PTMA: variants seen among roughly 807,000 people sequenced by gnomAD.
PTMA encodes prothymosin alpha.
Under a neutral mutation model 16.9 loss-of-function variants are expected in PTMA, and 4 were observed. That is an observed-to-expected ratio of 0.24 (90% CI 0.12 to 0.54). PTMA has a LOEUF of 0.54. Ranked by LOEUF, PTMA falls within the 20% of genes least tolerant of loss-of-function variation. The probability of loss-of-function intolerance (pLI) is 0.95; values close to 1 mark genes in which losing one functional copy is unlikely to be tolerated. For missense variants in PTMA, 120 were observed against 137.7 expected, an observed-to-expected ratio of 0.87 and a Z score of 0.64; for synonymous variants, 58 against 47.9, an observed-to-expected ratio of 1.21 and a Z score of -0.87.
rs1559290995 is a variant in PTMA at position 231,712,945 on chromosome 2, T to A, written c.*94T>A. On this transcript the variant is annotated 3_prime_UTR_variant, in exon 5 of 5. Transcript: ENST00000409115. ...GTCTCAGAATCTAAACGTGGTCACCTTCGAGTAGAGAGGCCCGCCCGCCCA... is the reference window on the plus strand; with the variant it reads ...GTCTCAGAATCTAAACGTGGTCACCATCGAGTAGAGAGGCCCGCCCGCCCA... The A allele has an allele frequency of 7.2e-7, 1 of 1,389,590 alleles. No homozygotes were observed. Among genetic ancestry groups the A allele is most frequent in the Non-Finnish European group, 9.8e-7 (1 of 1,022,650 alleles). The allele number at this position is 1,389,590 out of a possible 1,614,324, so 86.1% of individuals were successfully genotyped here.
chr2:231,709,090 C>A (rs2048480724), intron 1 of PTMA, among the ~76,000 whole-genome samples: 7 of 152,154 alleles, frequency 4.6e-5, no homozygotes, highest in Admixed American at 4.6e-4. Flanking sequence ...GTCGTCGGCC[C>A]GCCGGGCGCA....
At chr2:231,709,750 T>C (rs1024911264) in intron 1 of PTMA, 1 of 154,896 alleles carries the variant, frequency 6.5e-6, no homozygotes, top group African/African-American at 2.4e-5. Context: ...CTGGGTAGCG[T>C]CTCCGCCCTT....
chr2:231,711,796 C>A, intron 2 of PTMA, 94 bp from the exon 3 acceptor site: 1 of 1,556,952 alleles, frequency 6.4e-7, no homozygotes, highest in Admixed American at 2.0e-5. Flanking sequence ...TAGATGCAGC[C>A]GCCAGCCTCT....
intron 1 of PTMA, chr2:231,710,406 C>T (rs1006094394): frequency 5.2e-6 from 6 of 1,152,040 alleles, no homozygotes; most frequent in African/African-American, 1.6e-5. Context: ...GCCTGCGCGC[C>T]GCGACCTCCC....
chr2:231,712,520 G>A lies in PTMA; in HGVS notation c.285+4G>A, dbSNP rs1021920834. 4 of 1,614,094 alleles carry A rather than the reference G, an allele frequency of 2.5e-6. No individual in the cohort carries two copies. Among genetic ancestry groups the A allele is most frequent in the Admixed American group, 1.7e-5 (1 of 60,024 alleles). On this transcript the variant is annotated splice_donor_region_variant and intron_variant, in intron 4 of 4. Transcript: ENST00000409115. Reference sequence around the variant, plus strand: ...GCGGGCAGCTGAAGATGATGAGGTGGGTTCTGGCTTGAGAAGAAGGGGGGT... The same window carrying A: ...GCGGGCAGCTGAAGATGATGAGGTGAGTTCTGGCTTGAGAAGAAGGGGGGT...
chr2:231,711,461 C>T, intron 2 of PTMA, 42 bp downstream of exon 2: 1 of 1,590,310 alleles, frequency 6.3e-7, no homozygotes, highest in Non-Finnish European at 8.6e-7. Context: ...AGCTACCGCC[C>T]CACAAAATTT....
In PTMA at chr2:231,708,665, T is replaced by C; in HGVS notation, c.-42T>C. The C allele has an allele frequency of 6.3e-7, 1 of 1,598,154 alleles. No homozygotes were observed. Among genetic ancestry groups the C allele is most frequent in the Non-Finnish European group, 8.5e-7 (1 of 1,177,920 alleles). ...TCGCCAGAGTCCCTGAACTCTCGCT[T>C]TCTTTTTAATCCCCTGCATCGGATC... On this transcript the variant is annotated 5_prime_UTR_variant, in exon 1 of 5. Coordinates refer to ENST00000409115, the MANE Select transcript of PTMA (RefSeq NM_002823.5).
intron 2 of PTMA, 114 bp downstream of exon 2, chr2:231,711,533 A>T: frequency 1.0e-6 from 1 of 982,288 alleles, no homozygotes; most frequent in South Asian, 1.4e-5. Flanking sequence ...ATAGCTTTGC[A>T]CAGTGGCAGT....
Position 231,710,340 on chromosome 2 carries a change from C to T in PTMA, c.46-1008C>T, listed in dbSNP as rs780938625. ...TCGGCGGCCCCGGGCCACGTGCTCC[C>T]TGCGCGCGGTGCGTGCCGAGGCCCG... On this transcript the variant is annotated intron_variant, in intron 1 of 4. Transcript: ENST00000409115. 303 of 1,221,276 alleles carry T rather than the reference C, an allele frequency of 2.5e-4. 1 individual carries two copies. Among genetic ancestry groups the T allele is most frequent in the Non-Finnish European group, 2.9e-4 (284 of 979,840 alleles). The allele number at this position is 1,221,276 out of a possible 1,614,324, so 75.7% of individuals were successfully genotyped here.
chr2:231,710,051 CGAAGCACCAAAAGGT>C (rs2048496503), intron 1 of PTMA: 11 of 1,222,828 alleles, frequency 9.0e-6, no homozygotes, highest in African/African-American at 1.6e-5. Context: ...CGATTTTCTC[CGAAGCACCAAAAGGT>C]GACTTCCCGC....
intron 2 of PTMA, 136 bp from the exon 3 acceptor site, chr2:231,711,754 G>T: frequency 6.8e-7 from 1 of 1,472,568 alleles, no homozygotes; most frequent in Non-Finnish European, 9.1e-7. Flanking sequence ...CTGGAGAAGG[G>T]TCTCTGGGGT....
intron 2 of PTMA, 129 bp downstream of exon 2, chr2:231,711,548 T>G: frequency 1.1e-6 from 1 of 887,968 alleles, no homozygotes; most frequent in South Asian, 1.6e-5. Flanking sequence ...GGCAGTATCG[T>G]AGCCAATGAG....
chr2:231,711,330 C>T lies in PTMA; in HGVS notation c.46-18C>T, dbSNP rs201887927. The T allele has an allele frequency of 4.2e-4, 672 of 1,610,418 alleles. No homozygotes were observed. The highest frequency in any genetic ancestry group is 5.4e-4 in the Non-Finnish European group (640 of 1,176,832). On this transcript the variant is annotated intron_variant, in intron 1 of 4. Transcript: ENST00000409115. ...TCAGAAGACTTACTGGTTACTGGTT[C>T]CTTCTTCCCTTTTGAAGGACTTAAA...
At chr2:231,712,770 T>TTG in intron 4 of PTMA, 34 bp from the exon 5 acceptor site, 1 of 1,578,092 alleles carries the variant, frequency 6.3e-7, no homozygotes, top group South Asian at 1.2e-5. Context: ...GCTCCTGGGG[T>TTG]TGGAGGGGCC....
At chr2:231,709,885 C>T (rs2048494058) in intron 1 of PTMA, 2 of 316,836 alleles carry the variant, frequency 6.3e-6, no homozygotes, top group Non-Finnish European at 5.5e-6. Context: ...CCTTGTGTCC[C>T]TGGCGTCATC....
At chr2:231,710,209 G>A in intron 1 of PTMA, 4 of 1,336,096 alleles carry the variant, frequency 3.0e-6, no homozygotes, top group Non-Finnish European at 2.9e-6. Flanking sequence ...CGGGGTGGCG[G>A]CAGTGGGGCG....
Position 231,711,086 on chromosome 2 carries a change from A to G in PTMA, c.46-262A>G, listed in dbSNP as rs1575351858. On this transcript the variant is annotated intron_variant, in intron 1 of 4. Transcript: ENST00000409115. ...TGGCTCCTTTTTCCTGGGAAGCGCC[A>G]GGGGGCAGTGGGAACCGCCACCGGG... is the stretch of plus-strand genomic sequence containing the variant. 6 of 353,880 alleles carry G rather than the reference A, an allele frequency of 1.7e-5. No homozygotes were observed. The East Asian group carries it at 3.4e-4, about 20-fold the overall frequency. 21.9% of individuals were successfully genotyped at this position (353,880 alleles called of 1,614,324 possible).
intron 1 of PTMA, among the ~76,000 whole-genome samples, chr2:231,709,195 G>T (rs1054722183): frequency 2.0e-5 from 3 of 152,124 alleles, no homozygotes; most frequent in African/African-American, 4.8e-5. Context: ...GGCGGCGAGC[G>T]CCCGCCGGCC....
At chr2:231,711,495 C>T (rs1000544796) in intron 2 of PTMA, 76 bp downstream of exon 2, 21 of 1,345,912 alleles carry the variant, frequency 1.6e-5, no homozygotes, top group Non-Finnish European at 1.8e-5. Flanking sequence ...TTAAACATAC[C>T]TATATATGTG....
Sources: gnomAD v4.1 joint callset for allele counts (sites outside exome capture counted in the v4.1 genomes callset) on GRCh38, gnomAD v4.1.1 for gene constraint, MANE v1.5 for transcripts, NCBI Gene and HGNC (gene_info 2026-07-23, HGNC 2026-07-21) for gene names.